DNAAF6: variants seen among roughly 807,000 people sequenced by gnomAD.
DNAAF6 encodes the protein dynein axonemal assembly factor 6.
In DNAAF6, 3 loss-of-function variants were observed where a neutral mutation model predicts 13.7. That is an observed-to-expected ratio of 0.22 (90% CI 0.10 to 0.56). The LOEUF (loss-of-function observed/expected upper bound fraction) is 0.56. Ranked by LOEUF, DNAAF6 falls within the 20% of genes least tolerant of loss-of-function variation. The pLI is 0.92. For missense variants in DNAAF6, 130 were observed against 151.0 expected (o/e 0.86, Z 0.73); for synonymous variants, 54 against 49.2 (o/e 1.10, Z -0.41).
chrX:107,236,305 A>C (rs1349142527), intron 5 of DNAAF6, among the ~76,000 whole-genome samples: 1 of 112,298 alleles, frequency 8.9e-6, no homozygotes, highest in Non-Finnish European at 1.9e-5. Flanking sequence ...TTTGCACCCT[A>C]TGTAAAGAAA....
At chrX:107,223,170 A>G (rs1342780250) in intron 5 of DNAAF6, among the ~76,000 whole-genome samples, 4 of 111,505 alleles carry the variant, frequency 3.6e-5, no homozygotes, top group Non-Finnish European at 5.7e-5. Context: ...CATGCATGCC[A>G]ACTGATTGGT....
intron 6 of DNAAF6, among the ~76,000 whole-genome samples, chrX:107,241,476 G>T (rs1393768064): frequency 1.8e-5 from 2 of 111,146 alleles, no homozygotes; most frequent in Admixed American, 9.6e-5. Context: ...ATTTTGTGGT[G>T]ACCTGAATAC....
intron 5 of DNAAF6, among the ~76,000 whole-genome samples, chrX:107,223,727 C>T (rs1000666497): frequency 9.0e-6 from 1 of 111,241 alleles, no homozygotes; most frequent in African/African-American, 3.3e-5. Context: ...TTCTCTTTTG[C>T]ATGAACTTCA....
intron 3 of DNAAF6, 124 bp downstream of exon 3, chrX:107,216,867 T>C: frequency 2.2e-6 from 1 of 448,912 alleles, no homozygotes; most frequent in Non-Finnish European, 3.5e-6. Context: ...ATGTATTGTA[T>C]ACTTGGAAAT....
intron 6 of DNAAF6, among the ~76,000 whole-genome samples, chrX:107,242,675 G>C (rs1477937937): frequency 8.9e-6 from 1 of 112,597 alleles, no homozygotes; most frequent in African/African-American, 3.2e-5. Context: ...GAAGCAAGGA[G>C]AGAGAAGCAC....
At chrX:107,223,733 C>T (rs1236808373) in intron 5 of DNAAF6, among the ~76,000 whole-genome samples, 6 of 111,098 alleles carry the variant, frequency 5.4e-5, no homozygotes, top group Non-Finnish European at 1.9e-5. Context: ...TTTGCATGAA[C>T]TTCAGGTTTT....
chrX:107,216,666 C>G lies in DNAAF6; in HGVS notation c.154-5C>G. On this transcript the variant is annotated splice_polypyrimidine_tract_variant and splice_region_variant and intron_variant, in intron 2 of 6. Transcript: ENST00000372453. ...CAGAATATTGAACTTTTTCTCCTCC[C>G]TCAGACAAATGGTTTATCTACTATT... is the stretch of plus-strand genomic sequence containing the variant. 8.5e-7 allele frequency: 1 copy of G among 1,179,623 alleles called. No homozygotes were observed.
intron 5 of DNAAF6, among the ~76,000 whole-genome samples, chrX:107,234,743 T>C (rs2147836671): frequency 8.9e-6 from 1 of 112,111 alleles, no homozygotes; most frequent in Non-Finnish European, 1.9e-5. Flanking sequence ...GTTACATATA[T>C]TTTTTACTTA....
chrX:107,212,853 CTGAT>C lies in DNAAF6; in HGVS notation c.-3-18_-3-15del, dbSNP rs2147826420. The C allele has an allele frequency of 1.7e-6, 2 of 1,157,652 alleles. No homozygotes were observed. Among genetic ancestry groups the C allele is most frequent in the Non-Finnish European group, 2.3e-6 (2 of 869,177 alleles). Reference sequence around the variant, plus strand: ...AAACAGAAAAGTAAAATACCTCTTTCTGATTATCTTTTTCTTCAGATAATGGAAT... The same window carrying C: ...AAACAGAAAAGTAAAATACCTCTTTCTATCTTTTTCTTCAGATAATGGAAT... On this transcript the variant is annotated splice_polypyrimidine_tract_variant and intron_variant, in intron 1 of 6. Transcript: ENST00000372453.
intron 5 of DNAAF6, among the ~76,000 whole-genome samples, chrX:107,235,540 T>C (rs1267856558): frequency 9.0e-6 from 1 of 111,600 alleles, no homozygotes; most frequent in Non-Finnish European, 1.9e-5. Flanking sequence ...AGCAACACTA[T>C]GGAGAAGTCC....
intron 4 of DNAAF6, among the ~76,000 whole-genome samples, chrX:107,221,368 C>G (rs889596010): frequency 2.7e-5 from 3 of 110,351 alleles, no homozygotes; most frequent in African/African-American, 9.9e-5. Flanking sequence ...AATTCTCCCA[C>G]CTTACTCTCC....
chrX:107,239,830 T>C (rs1042947233), intron 6 of DNAAF6, among the ~76,000 whole-genome samples: 1 of 112,066 alleles, frequency 8.9e-6, no homozygotes, highest in African/African-American at 3.2e-5. Flanking sequence ...CACAGAACAA[T>C]CATCTCATGT....
At chrX:107,215,794 G>C (rs752211739) in intron 2 of DNAAF6, among the ~76,000 whole-genome samples, 1 of 111,945 alleles carries the variant, frequency 8.9e-6, no homozygotes, top group South Asian at 3.7e-4. Context: ...CAGTAGGCAA[G>C]GAGATAAGAA....
chrX:107,238,827 A>G, intron 5 of DNAAF6, 95 bp from the exon 6 acceptor site: 1 of 1,136,585 alleles, frequency 8.8e-7, no homozygotes, highest in South Asian at 2.0e-5. Flanking sequence ...ATAGTTGACA[A>G]TAAATATTAG....
At chrX:107,216,590 C>A in intron 2 of DNAAF6, 81 bp from the exon 3 acceptor site, 2 of 628,422 alleles carry the variant, frequency 3.2e-6, no homozygotes, top group Non-Finnish European at 4.6e-6. Context: ...TATGGAAATC[C>A]TATCAAATTT....
At chrX:107,209,727 C>T (rs1416603662) in intron 1 of DNAAF6, among the ~76,000 whole-genome samples, 1 of 112,201 alleles carries the variant, frequency 8.9e-6, no homozygotes, top group Non-Finnish European at 1.9e-5. Context: ...AACCACTGCG[C>T]CCAGCCCTGC....
intron 6 of DNAAF6, among the ~76,000 whole-genome samples, chrX:107,242,557 C>A (rs980910405): frequency 6.2e-5 from 7 of 112,645 alleles, no homozygotes; most frequent in African/African-American, 2.3e-4. Flanking sequence ...CTCATCCCAG[C>A]AATGCATCTA....
At chrX:107,213,294 A>G (rs1927903536) in intron 2 of DNAAF6, among the ~76,000 whole-genome samples, 1 of 112,443 alleles carries the variant, frequency 8.9e-6, no homozygotes, top group Admixed American at 9.4e-5. Flanking sequence ...AAATGTTGTC[A>G]TTTATATTTA....
At chrX:107,241,382 A>G (rs1444211715) in intron 6 of DNAAF6, among the ~76,000 whole-genome samples, 3 of 112,103 alleles carry the variant, frequency 2.7e-5, no homozygotes, top group African/African-American at 9.7e-5. Context: ...ATGCAAATAC[A>G]TTGTCAATGT....
Sources: allele counts gnomAD v4.1 joint callset (sites outside exome capture counted in the v4.1 genomes callset), GRCh38; gene constraint gnomAD v4.1.1; transcripts MANE v1.5; gene names NCBI Gene and HGNC (gene_info 2026-07-23, HGNC 2026-07-21).